Variants in COL5A1 observed in about 807,000 individuals in gnomAD.
COL5A1 encodes collagen alpha-1(V) chain.
A neutral mutation model predicts 263.7 loss-of-function variants in COL5A1; 16 were observed. The ratio of observed to expected loss-of-function variants is 0.06; its 90% CI spans 0.04 to 0.09. The LOEUF is 0.09. Among genes scored for constraint, COL5A1 ranks in the 10% least tolerant of loss-of-function variants. COL5A1 has a pLI of 1.00. For synonymous variants in COL5A1, 1,012 were observed against 1,004.5 expected (o/e 1.01, Z -0.14); for missense variants, 2,036 against 2,540.5 (o/e 0.80, Z 4.27).
At chr9:134,733,684 C>G (rs1025841518) in intron 9 of COL5A1, among the ~76,000 whole-genome samples, 2 of 152,234 alleles carry the variant, frequency 1.3e-5, no homozygotes, top group African/African-American at 4.8e-5. Flanking sequence ...GAGTGACTGC[C>G]GTCCGCCTGG....
Position 134,729,808 on chromosome 9 carries a change from G to A in COL5A1, c.925-428G>A, listed in dbSNP as rs995909715. 8.9e-5 allele frequency among the ~76,000 whole-genome samples: 13 copies of A among 146,520 alleles called. 1 individual carries two copies. The highest frequency in any genetic ancestry group is 3.0e-4 in the African/African-American group (12 of 39,476). ...CCTGTGTGTGTGAGCGTGTGTGAGC[G>A]TGTGTGCATGCGGGCACGGGTGTGC... On this transcript the variant is annotated intron_variant, in intron 6 of 65. Transcript: ENST00000371817.
chr9:134,761,891 A>T, intron 18 of COL5A1, 34 bp from the exon 19 acceptor site: 2 of 1,610,770 alleles, frequency 1.2e-6, no homozygotes, highest in East Asian at 4.5e-5. Flanking sequence ...TGACCTGCTC[A>T]GGAGAGGCTG....
chr9:134,812,274 G>T (rs771134158), intron 46 of COL5A1, among the ~76,000 whole-genome samples, 175 bp from the exon 47 acceptor site: 1 of 152,142 alleles, frequency 6.6e-6, no homozygotes, highest in Non-Finnish European at 1.5e-5. Context: ...TCCTCGGGCC[G>T]ATTCTGAGAC....
chr9:134,806,306 G>T lies in COL5A1; in HGVS notation c.3366+10G>T. 6.5e-7 allele frequency: 1 copy of T among 1,532,508 alleles called. No homozygotes were observed. Among genetic ancestry groups the T allele is most frequent in the South Asian group, 1.2e-5 (1 of 83,654 alleles). 94.9% of individuals were successfully genotyped at this position (1,532,508 alleles called of 1,614,324 possible). A position where few individuals can be genotyped will look rare whatever the true frequency, so the allele number is the denominator to read the frequency against. On this transcript the variant is annotated intron_variant, in intron 42 of 65. Coordinates refer to ENST00000371817, the MANE Select transcript of COL5A1 (RefSeq NM_000093.5). ...AGAGAAAGGGGCTCCTGTAAGTACT[G>T]CCTTGGATTGGGGGAGCCCTTCCCT... is the stretch of plus-strand genomic sequence containing the variant.
At position 134,806,265 on chromosome 9, in the gene COL5A1, C is replaced by T. The variant is rs199754313; in HGVS notation, c.3335C>T (p.Pro1112Leu). 3.2e-6 allele frequency: 5 copies of T among 1,549,786 alleles called. No homozygotes were observed. In the Admixed American group the frequency reaches 7.8e-5, roughly 24 times the overall value. The change falls in exon 42 of 66, where the codon CCC becomes CTC. Residue 1112 changes from proline to leucine, a missense_variant. By Grantham distance (98) the Pro-to-Leu change is moderately conservative. This residue lies in a region of COL5A1 where 1,078 missense variants were observed against 1,521.4 expected (regional missense o/e 0.71). Coordinates refer to ENST00000371817, the MANE Select transcript of COL5A1 (RefSeq NM_000093.5). ...GIPGRPGPQG[P>L]PGPAGEKGAP... Reference sequence around the variant, plus strand: ...CCAGGGAGACCTGGGCCCCAGGGACCCCCAGGGCCGGCAGGAGAGAAAGGG... The same window carrying T: ...CCAGGGAGACCTGGGCCCCAGGGACTCCCAGGGCCGGCAGGAGAGAAAGGG...
chr9:134,819,966 C>T, intron 57 of COL5A1, 150 bp from the exon 58 acceptor site: 2 of 732,684 alleles, frequency 2.7e-6, no homozygotes, highest in Non-Finnish European at 5.0e-6. Flanking sequence ...CACCTGGCCC[C>T]TCTGTTGAGC....
intron 1 of COL5A1, among the ~76,000 whole-genome samples, chr9:134,660,381 T>G (rs866401038): frequency 6.6e-6 from 1 of 152,238 alleles, no homozygotes; most frequent in South Asian, 2.1e-4. Flanking sequence ...CCCAGACAGA[T>G]TCTATTAGGA....
At chr9:134,668,825 A>C (rs909429325) in intron 1 of COL5A1, among the ~76,000 whole-genome samples, 2 of 151,820 alleles carry the variant, frequency 1.3e-5, no homozygotes, top group Non-Finnish European at 2.9e-5. Flanking sequence ...CCACCCACCT[A>C]TTCATTCAAC....
At position 134,809,261 on chromosome 9, in the gene COL5A1, G is replaced by A. The variant is rs966038747; in HGVS notation, c.3445G>A (p.Val1149Met). 2 of 1,609,204 alleles carry A rather than the reference G, an allele frequency of 1.2e-6. No homozygotes were observed. Among genetic ancestry groups the A allele is most frequent in the South Asian group, 2.2e-5 (2 of 89,872 alleles). ...GGGGCTCCCGGGTCCAGCTGGCCCT[G>A]TGGGTCCCCCTGGAGAAGACGGAGA... Reference protein sequence around the residue: ...PVGLPGPAGPVGPPGEDGDKG... With the variant: ...PVGLPGPAGPMGPPGEDGDKG... Residue 1149 changes from valine (V) to methionine (M), a missense_variant, in exon 43 of 66, where the codon GTG becomes ATG. Around this residue, in one of 3 missense-constraint regions of COL5A1, gnomAD observed 1,078 missense variants for 1,521.4 expected, o/e 0.71. Coordinates refer to ENST00000371817, the MANE Select transcript of COL5A1 (RefSeq NM_000093.5).
intron 32 of COL5A1, among the ~76,000 whole-genome samples, chr9:134,790,347 C>CACCA (rs1837626884): frequency 1.3e-5 from 2 of 148,836 alleles, no homozygotes; most frequent in African/African-American, 5.0e-5. Flanking sequence ...TCCACCCACC[C>CACCA]ACCAACCCAT....
rs542040108 is a variant in COL5A1 at position 134,818,430 on chromosome 9, G to T, written c.4231-226G>T. Among the ~76,000 whole-genome samples the T allele has an allele frequency of 6.6e-6, 1 of 152,172 alleles. No individual in the cohort carries two copies. Among genetic ancestry groups the T allele is most frequent in the Non-Finnish European group, 1.5e-5 (1 of 68,030 alleles). Reference sequence around the variant, plus strand: ...CTGTGACACCCGGTCTGTGGTCGGCGCAGTCAGCGGAGACGGGATCCCTGC... The same window carrying T: ...CTGTGACACCCGGTCTGTGGTCGGCTCAGTCAGCGGAGACGGGATCCCTGC... On this transcript the variant is annotated intron_variant, in intron 54 of 65. Coordinates refer to ENST00000371817, the MANE Select transcript of COL5A1 (RefSeq NM_000093.5). The surrounding 1 kb of genome is among the most constrained non-coding windows in gnomAD (Gnocchi z 6.0).
Position 134,742,452 on chromosome 9 carries a change from A to G in COL5A1, c.1494+3644A>G, listed in dbSNP as rs1835338594. On this transcript the variant is annotated intron_variant, in intron 11 of 65. Coordinates refer to ENST00000371817, the MANE Select transcript of COL5A1 (RefSeq NM_000093.5). This position sits in a 1 kb window ranked among gnomAD's most constrained non-coding sequence, Gnocchi z 4.6. ...GAGAAGGGGCTCGAACCATCATCCC[A>G]TCCAGTTTCCCTCAGGTGACTGGTG... Among the ~76,000 whole-genome samples, 1 of 151,474 alleles carries G rather than the reference A, an allele frequency of 6.6e-6. No individual in the cohort carries two copies. Among genetic ancestry groups the G allele is most frequent in the South Asian group, 2.1e-4 (1 of 4,790 alleles).
chr9:134,756,354 A>C lies in COL5A1; in HGVS notation c.1828-411A>C, dbSNP rs1835972216. Among the ~76,000 whole-genome samples, 3 of 152,290 alleles carry C rather than the reference A, an allele frequency of 2.0e-5. No individual in the cohort carries two copies. The South Asian group carries it at 6.2e-4, about 32-fold the overall frequency. ...TTTCTCTCTTTCCTCTGACCTCCAA[A>C]TGGTGGAAAGGAGCTGTGCTGTCTG... On this transcript the variant is annotated intron_variant, in intron 16 of 65. Coordinates refer to ENST00000371817, the MANE Select transcript of COL5A1 (RefSeq NM_000093.5).
chr9:134,753,795 T>G, intron 14 of COL5A1, 55 bp from the exon 15 acceptor site: 3 of 865,644 alleles, frequency 3.5e-6, no homozygotes, highest in Non-Finnish European at 5.4e-6. Flanking sequence ...CAGCCCTTCC[T>G]GTGTTCTCGA....
chr9:134,809,728 A>G (rs1319576625), intron 43 of COL5A1, among the ~76,000 whole-genome samples: 3 of 152,220 alleles, frequency 2.0e-5, no homozygotes, highest in African/African-American at 7.2e-5. Context: ...TTCCAAAACG[A>G]TGGCTGCAGG....
rs1833622862 is a variant in COL5A1 at position 134,700,276 on chromosome 9, G to A, written c.491+154G>A. Among the ~76,000 whole-genome samples the A allele has an allele frequency of 6.6e-6, 1 of 152,160 alleles. No homozygotes were observed. The highest frequency in any genetic ancestry group is 1.5e-5 in the Non-Finnish European group (1 of 68,030). On this transcript the variant is annotated intron_variant, in intron 3 of 65. Transcript: ENST00000371817. The surrounding 1 kb of genome is among the most constrained non-coding windows in gnomAD (Gnocchi z 4.0). ...CAGCAGAGGAGAGGGTGCTGGGCTT[G>A]GAGTCCTGAAACCTGGGTTATGGTC...
At chr9:134,668,615 A>G (rs993927258) in intron 1 of COL5A1, among the ~76,000 whole-genome samples, 1 of 151,440 alleles carries the variant, frequency 6.6e-6, no homozygotes, top group East Asian at 2.0e-4. Flanking sequence ...ATCTACCCAT[A>G]TATCCATGTA....
intron 1 of COL5A1, among the ~76,000 whole-genome samples, chr9:134,672,414 G>T (rs1166296567): frequency 2.6e-5 from 4 of 152,162 alleles, no homozygotes; most frequent in Non-Finnish European, 4.4e-5. Context: ...GGAACATTTT[G>T]ATGTATTTAC....
At chr9:134,833,218 C>T (rs1425297599) in intron 64 of COL5A1, among the ~76,000 whole-genome samples, 4 of 152,218 alleles carry the variant, frequency 2.6e-5, no homozygotes, top group Non-Finnish European at 5.9e-5. Flanking sequence ...TAAGATGCAT[C>T]GATGTCCCCT....
Sources: allele counts gnomAD v4.1 joint callset (sites outside exome capture counted in the v4.1 genomes callset), GRCh38; gene constraint gnomAD v4.1.1; regional missense constraint gnomAD v4.1.1; non-coding constraint Gnocchi (gnomAD v3.1); transcripts MANE v1.5; gene names NCBI Gene and HGNC (gene_info 2026-07-23, HGNC 2026-07-21).